Variants in WDR27 observed in about 807,000 individuals in gnomAD.
WDR27 encodes the protein WD repeat-containing protein 27.
WDR27 carries 100 observed loss-of-function variants against 114.4 expected under a neutral mutation model. That is an observed-to-expected ratio of 0.87 (90% CI 0.74 to 1.03). WDR27 has a LOEUF of 1.03. WDR27 is among the 50% of genes least tolerant of loss of function. The pLI, the probability that WDR27 is intolerant of heterozygous loss-of-function variation, is 0.00. For missense variants in WDR27, 1,129 were observed against 1,092.9 expected, an observed-to-expected ratio of 1.03 and a Z score of -0.47; for synonymous variants, 449 against 423.1, an observed-to-expected ratio of 1.06 and a Z score of -0.75.
downstream of WDR27, among the ~76,000 whole-genome samples, chr6:169,453,320 G>T (rs1231451211): frequency 6.6e-6 from 1 of 152,098 alleles, no homozygotes; most frequent in African/African-American, 2.4e-5. Flanking sequence ...ACTCAGAGGA[G>T]ATGTATTTAT....
chr6:169,577,338 GC>G (rs777031326), intron 24 of WDR27, among the ~76,000 whole-genome samples: 95 of 152,260 alleles, frequency 6.2e-4, no homozygotes, highest in Non-Finnish European at 1.3e-3. Flanking sequence ...CAGGAATGGC[GC>G]CCCCCGATGT....
chr6:169,557,644 A>G (rs1419320245), intron 25 of WDR27, among the ~76,000 whole-genome samples: 1 of 152,202 alleles, frequency 6.6e-6, no homozygotes. Flanking sequence ...AAAACATCAA[A>G]GTATAAGCTG....
chr6:169,611,304 T>C (rs1479256337), intron 22 of WDR27, among the ~76,000 whole-genome samples: 2 of 105,380 alleles, frequency 1.9e-5, no homozygotes, highest in Non-Finnish European at 3.5e-5. Flanking sequence ...CTTTTTTACT[T>C]ACTTTTTTTT....
chr6:169,568,965 T>G (rs942104951), intron 25 of WDR27, among the ~76,000 whole-genome samples: 15 of 152,294 alleles, frequency 9.8e-5, no homozygotes, highest in African/African-American at 3.6e-4. Flanking sequence ...GGAAGCCGCA[T>G]GCCCCTGGTT....
intron 23 of WDR27, among the ~76,000 whole-genome samples, chr6:169,588,414 T>G (rs540379892): frequency 6.6e-6 from 1 of 152,248 alleles, no homozygotes; most frequent in African/African-American, 2.4e-5. Flanking sequence ...TCATGACATA[T>G]GTTTTTAATT....
chr6:169,502,690 C>A (rs1791482930), intron 25 of WDR27, among the ~76,000 whole-genome samples: 1 of 152,158 alleles, frequency 6.6e-6, no homozygotes, highest in African/African-American at 2.4e-5. Context: ...CTCTTAAGCT[C>A]CCTCGTGATC....
chr6:169,667,707 C>T (rs750559542), intron 5 of WDR27, among the ~76,000 whole-genome samples: 11 of 152,314 alleles, frequency 7.2e-5, no homozygotes, highest in Non-Finnish European at 1.3e-4. Context: ...GAGAAGAATT[C>T]GTGCCTGGGC....
At chr6:169,665,905 G>A (rs1036172920) in intron 6 of WDR27, among the ~76,000 whole-genome samples, 1 of 152,182 alleles carries the variant, frequency 6.6e-6, no homozygotes, top group African/African-American at 2.4e-5. Context: ...CCTAGAGGGA[G>A]GGCAGCACTG....
chr6:169,685,682 TA>T lies in WDR27; in HGVS notation c.189+3134del, dbSNP rs147691995. 2.4e-4 allele frequency among the ~76,000 whole-genome samples: 36 copies of T among 151,834 alleles called. No homozygotes were observed. The East Asian group carries it at 7.0e-3, about 29-fold the overall frequency. ...ATAATACCAGCAGACAAAAAAAGAA[TA>T]AAAAAGAATAAAGCCTATGTGATTT... On this transcript the variant is annotated intron_variant, in intron 2 of 25. Transcript: ENST00000448612.
intron 4 of WDR27, 24 bp downstream of exon 4, chr6:169,670,545 A>G: frequency 6.2e-7 from 1 of 1,613,876 alleles, no homozygotes; most frequent in Non-Finnish European, 8.5e-7. Context: ...CCTTCCGTGA[A>G]ATCCACGTGA....
rs199590890 is a variant in WDR27 at position 169,668,013 on chromosome 6, A to C, written c.629T>G (p.Leu210Arg). ...VEFCPWRAGTLISASEDRGFK... is the reference protein window; with the variant it reads ...VEFCPWRAGTRISASEDRGFK... Reference sequence around the variant, plus strand: ...GCCTCTGTCCTCAGACGCCGAGATGAGGGTGCCTGCTCGCCAGGGACAGAA... The same window carrying C: ...GCCTCTGTCCTCAGACGCCGAGATGCGGGTGCCTGCTCGCCAGGGACAGAA... The change falls in exon 5 of 26, where the codon CTC becomes CGC. Residue 210 changes from leucine to arginine, a missense_variant. Leu to Arg is a moderately radical substitution (Grantham distance 102, BLOSUM62 -2). Transcript: ENST00000448612. 7.4e-6 allele frequency: 12 copies of C among 1,613,880 alleles called. No homozygotes were observed. The East Asian group carries it at 2.5e-4, about 33-fold the overall frequency.
At chr6:169,651,194 A>AG (rs1822433480) in intron 14 of WDR27, among the ~76,000 whole-genome samples, 1 of 8,964 alleles carries the variant, frequency 1.1e-4, no homozygotes, top group African/African-American at 6.9e-4. Context: ...GGGGGGGGGG[A>AG]GTGGGGGAGT....
At position 169,530,323 on chromosome 6, in the gene WDR27, A is replaced by G. The variant is rs1055142893; in HGVS notation, c.2645+42096T>C. ...GCACAAATTGCCTCCATTCTAGCTC[A>G]AGAGAAACCCCCATGACCTTTCAAA... On this transcript the variant is annotated intron_variant, in intron 25 of 25. Transcript: ENST00000448612. Among the ~76,000 whole-genome samples, 3 of 152,200 alleles carry G rather than the reference A, an allele frequency of 2.0e-5. 1 individual carries two copies. The highest frequency in any genetic ancestry group is 4.4e-5 in the Non-Finnish European group (3 of 68,044).
chr6:169,645,023 T>TAAAAAAAAAAAAAA (rs776362942), intron 16 of WDR27, among the ~76,000 whole-genome samples: 2 of 46,980 alleles, frequency 4.3e-5, no homozygotes, highest in Non-Finnish European at 7.8e-5. Flanking sequence ...AAAAAAAAAA[T>TAAAAAAAAAAAAAA]AAAAAAAAAA....
In WDR27 at chr6:169,457,493, G is replaced by T. The variant is rs1784413869; in HGVS notation, c.*99C>A. ...AAGTCTCAAAATATGAAAAACAGTT[G>T]CTGCTTCTGGCCCCCTGATGGATGA... is the stretch of plus-strand genomic sequence containing the variant. On this transcript the variant is annotated 3_prime_UTR_variant, in exon 26 of 26. Coordinates refer to ENST00000448612, the MANE Select transcript of WDR27 (RefSeq NM_182552.5). The T allele has an allele frequency of 9.9e-7, 1 of 1,013,262 alleles. No homozygotes were observed. The highest frequency in any genetic ancestry group is 1.4e-6 in the Non-Finnish European group (1 of 704,642). The allele number at this position is 1,013,262 out of a possible 1,614,324, so 62.8% of individuals were successfully genotyped here. A position where few individuals can be genotyped will look rare whatever the true frequency, so the allele number is the denominator to read the frequency against.
chr6:169,478,296 T>C, intron 25 of WDR27, among the ~76,000 whole-genome samples: 1 of 152,172 alleles, frequency 6.6e-6, no homozygotes, highest in Admixed American at 6.5e-5. Context: ...TTAAAACAAA[T>C]AAATGCTACC....
intron 5 of WDR27, among the ~76,000 whole-genome samples, chr6:169,667,540 C>T (rs566080168): frequency 6.6e-6 from 1 of 152,312 alleles, no homozygotes; most frequent in African/African-American, 2.4e-5. Flanking sequence ...GTCAGGTGCA[C>T]ACTCGCTGGT....
chr6:169,533,835 G>GTT (rs1795899096), intron 25 of WDR27, among the ~76,000 whole-genome samples: 2 of 151,984 alleles, frequency 1.3e-5, no homozygotes, highest in Non-Finnish European at 2.9e-5. Flanking sequence ...GTGTGTGTGT[G>GTT]TGTGTGTGTG....
chr6:169,556,961 G>C (rs1280812867), intron 25 of WDR27, among the ~76,000 whole-genome samples: 1 of 152,220 alleles, frequency 6.6e-6, no homozygotes, highest in African/African-American at 2.4e-5. Flanking sequence ...TTGCTGGGGA[G>C]TGTCAAGATG....
Sources: allele counts gnomAD v4.1 joint callset (sites outside exome capture counted in the v4.1 genomes callset), GRCh38; gene constraint gnomAD v4.1.1; transcripts MANE v1.5; gene names NCBI Gene and HGNC (gene_info 2026-07-23, HGNC 2026-07-21).